Variants in CSN1S1 observed in about 807,000 individuals in gnomAD.
CSN1S1 encodes casein alpha s1, also known as alpha-S1-casein.
CSN1S1 carries 63 observed loss-of-function variants against 49.1 expected under a neutral mutation model. The observed-to-expected ratio is 1.28, with a 90% CI of 1.05 to 1.58. The LOEUF is 1.58. Ranked by LOEUF, CSN1S1 falls within the 40% of genes most tolerant of loss-of-function variation. CSN1S1 has a pLI of 0.00. For synonymous variants in CSN1S1, 78 were observed against 67.1 expected, an observed-to-expected ratio of 1.16 and a Z score of -0.79; for missense variants, 260 against 224.7, an observed-to-expected ratio of 1.16 and a Z score of -1.01.
intron 11 of CSN1S1, 99 bp from the exon 12 acceptor site, chr4:69,940,920 G>C (rs1722951568): frequency 1.6e-6 from 1 of 619,102 alleles, no homozygotes; most frequent in Non-Finnish European, 2.8e-6. Context: ...CTCTACCCTT[G>C]GGAAAGAGCA....
intron 12 of CSN1S1, 132 bp downstream of exon 12, chr4:69,941,192 A>G (rs922836715): frequency 1.5e-5 from 7 of 460,274 alleles, no homozygotes; most frequent in Non-Finnish European, 2.7e-5. Flanking sequence ...GCCTTGACCA[A>G]TAATTGGCAA....
rs1005559957 is a variant in CSN1S1, at chr4:69,941,001, AT to A, written c.301-13del. The A allele has an allele frequency of 2.1e-6, 3 of 1,407,042 alleles. No homozygotes were observed. The highest frequency in any genetic ancestry group is 2.0e-6 in the Non-Finnish European group (2 of 1,019,850). The allele number at this position is 1,407,042 out of a possible 1,614,324, so 87.2% of individuals were successfully genotyped here. On this transcript the variant is annotated splice_polypyrimidine_tract_variant and intron_variant, in intron 11 of 15. Coordinates refer to ENST00000246891, the MANE Select transcript of CSN1S1 (RefSeq NM_001890.2). Reference sequence around the variant, plus strand: ...GAATGACATCCAAGCAATTGAGAATATTTTTCTTTTTAAATAGGAACAGTTT... The same window carrying A: ...GAATGACATCCAAGCAATTGAGAATATTTTCTTTTTAAATAGGAACAGTTT...
chr4:69,934,387 T>C (rs1263376812), intron 3 of CSN1S1, 143 bp downstream of exon 3: 1 of 786,322 alleles, frequency 1.3e-6, no homozygotes, highest in East Asian at 2.6e-5. Context: ...TCAGATGGTA[T>C]TTGCTCTCAC....
intron 2 of CSN1S1, among the ~76,000 whole-genome samples, chr4:69,933,023 C>T (rs1206548372): frequency 6.6e-6 from 1 of 151,790 alleles, no homozygotes; most frequent in Non-Finnish European, 1.5e-5. Context: ...GCCACATGTT[C>T]CAATGTATCC....
Position 69,942,593 on chromosome 4 carries a change from A to G in CSN1S1, c.402+16A>G. ...TGTCCAAGTGGTAATATTTTGCTTA[A>G]TATATTACAAAACGATAATATTTTG... On this transcript the variant is annotated intron_variant, in intron 14 of 15. Transcript: ENST00000246891. 1 of 1,564,344 alleles carries G rather than the reference A, an allele frequency of 6.4e-7. No homozygotes were observed. Among genetic ancestry groups the G allele is most frequent in the Non-Finnish European group, 8.7e-7 (1 of 1,150,286 alleles).
At chr4:69,946,099 G>A (rs955754044) in intron 15 of CSN1S1, 97 bp from the exon 16 acceptor site, 6 of 370,732 alleles carry the variant, frequency 1.6e-5, no homozygotes, top group East Asian at 7.9e-5. Context: ...TGTCTAATAC[G>A]AAGAGAAAAT....
intron 15 of CSN1S1, among the ~76,000 whole-genome samples, chr4:69,945,843 TTG>T: frequency 1.1e-5 from 1 of 94,624 alleles, no homozygotes; most frequent in Admixed American, 9.9e-5. Flanking sequence ...GAGCTTCCAA[TTG>T]TGTGTTTGTG....
In CSN1S1 at chr4:69,942,041, C is replaced by A; in HGVS notation, c.343-5C>A. ...TACTAAAACAGAATGTTTTCTCCTCCCTAGCAAGCTGCCCATGCCCAGGTG... is the reference window on the plus strand; with the variant it reads ...TACTAAAACAGAATGTTTTCTCCTCACTAGCAAGCTGCCCATGCCCAGGTG... On this transcript the variant is annotated splice_polypyrimidine_tract_variant and splice_region_variant and intron_variant, in intron 12 of 15. Transcript: ENST00000246891. 6.8e-7 allele frequency: 1 copy of A among 1,462,366 alleles called. No homozygotes were observed. The allele number at this position is 1,462,366 out of a possible 1,614,324, so 90.6% of individuals were successfully genotyped here.
chr4:69,944,746 G>A, intron 14 of CSN1S1, 104 bp from the exon 15 acceptor site: 1 of 1,157,146 alleles, frequency 8.6e-7, no homozygotes, highest in Non-Finnish European at 1.2e-6. Flanking sequence ...TTTTTATCAT[G>A]CTAACAGGCA....
At position 69,939,177 on chromosome 4, in the gene CSN1S1, A is replaced by T; in HGVS notation, c.245A>T (p.Lys82Met). 1 of 1,599,486 alleles carries T rather than the reference A, an allele frequency of 6.3e-7. No homozygotes were observed. The change falls in exon 10 of 16, where the codon AAG becomes ATG. Residue 82 changes from lysine (K) to methionine (M), a missense_variant and splice_region_variant. Lys to Met is a moderately conservative substitution (Grantham distance 95, BLOSUM62 -1). Transcript: ENST00000246891. ...TQNCVVAEPE[K>M]MESSISSSSE... Reference sequence around the variant, plus strand: ...TAACACTAGATTTCTTTCTTTTAGAAGATGGAATCCAGCATCAGTTCATCG... The same window carrying T: ...TAACACTAGATTTCTTTCTTTTAGATGATGGAATCCAGCATCAGTTCATCG...
intron 6 of CSN1S1, 31 bp downstream of exon 6, chr4:69,936,510 T>A (rs1400515652): frequency 4.4e-6 from 7 of 1,592,296 alleles, no homozygotes; most frequent in African/African-American, 2.7e-5. Context: ...TTAAATTATG[T>A]TAAAAGTTTG....
chr4:69,935,263 G>A (rs796487915), intron 4 of CSN1S1, among the ~76,000 whole-genome samples: 1 of 151,754 alleles, frequency 6.6e-6, no homozygotes, highest in South Asian at 2.1e-4. Flanking sequence ...TTTTCACTGG[G>A]TGCTGTGGCT....
chr4:69,933,852 G>C (rs1722685387), intron 2 of CSN1S1, among the ~76,000 whole-genome samples: 1 of 151,768 alleles, frequency 6.6e-6, no homozygotes, highest in South Asian at 2.1e-4. Context: ...ATCATCTTTA[G>C]AACTATGGTG....
intron 9 of CSN1S1, 23 bp from the exon 10 acceptor site, chr4:69,939,153 A>T (rs1329600496): frequency 6.3e-7 from 1 of 1,574,918 alleles, no homozygotes; most frequent in Non-Finnish European, 8.7e-7. Flanking sequence ...GGGGATAATT[A>T]ACACTAGATT....
chr4:69,938,540 T>A (rs1032773744), intron 9 of CSN1S1, among the ~76,000 whole-genome samples: 2 of 151,720 alleles, frequency 1.3e-5, no homozygotes, highest in African/African-American at 4.8e-5. Context: ...TTTTAAATGC[T>A]GACTTATTAC....
At chr4:69,933,737 A>G (rs1312500506) in intron 2 of CSN1S1, among the ~76,000 whole-genome samples, 1 of 152,016 alleles carries the variant, frequency 6.6e-6, no homozygotes, top group African/African-American at 2.4e-5. Context: ...AAAATGCAGA[A>G]TGAGATCAAT....
At chr4:69,934,020 A>G (rs1325451257) in intron 2 of CSN1S1, among the ~76,000 whole-genome samples, 192 bp from the exon 3 acceptor site, 14 of 152,054 alleles carry the variant, frequency 9.2e-5, no homozygotes, top group Non-Finnish European at 1.5e-4. Context: ...ATATTTGTCT[A>G]AAAATAATTA....
Position 69,932,595 on chromosome 4 carries a change from C to A in CSN1S1, c.40C>A (p.Leu14Ile). 6.3e-7 allele frequency: 1 copy of A among 1,599,520 alleles called. No individual in the cohort carries two copies. The highest frequency in any genetic ancestry group is 8.5e-7 in the Non-Finnish European group (1 of 1,171,628). Residue 14 changes from leucine to isoleucine, a missense_variant, in exon 2 of 16, where the codon CTT becomes ATT. Leu to Ile is a conservative substitution (Grantham distance 5). Transcript: ENST00000246891. ...LILTCLVAVA[L>I]ARPKLPLRYP... Reference sequence around the variant, plus strand: ...TCTCACCTGTCTTGTGGCTGTTGCTCTTGCCAGGCCTGTAAGTTCAGTAGA... The same window carrying A: ...TCTCACCTGTCTTGTGGCTGTTGCTATTGCCAGGCCTGTAAGTTCAGTAGA...
At chr4:69,943,040 C>T (rs954851151) in intron 14 of CSN1S1, among the ~76,000 whole-genome samples, 8 of 150,536 alleles carry the variant, frequency 5.3e-5, no homozygotes, top group African/African-American at 1.5e-4. Context: ...CAAATTTTAC[C>T]CTCAGTTTTT....
Sources: allele counts gnomAD v4.1 joint callset (sites outside exome capture counted in the v4.1 genomes callset), GRCh38; gene constraint gnomAD v4.1.1; transcripts MANE v1.5; gene names NCBI Gene and HGNC (gene_info 2026-07-23, HGNC 2026-07-21).